Variants in RP1 observed in about 807,000 individuals in gnomAD.
The protein encoded by RP1 is oxygen-regulated protein 1.
RP1 carries 16 observed loss-of-function variants against 14.8 expected under a neutral mutation model. The ratio of observed to expected loss-of-function variants is 1.08; its 90% CI spans 0.73 to 1.65. The LOEUF is 1.65. Ranked by LOEUF, RP1 falls within the 40% of genes most tolerant of loss-of-function variation. The pLI is 0.00. For missense variants in RP1, 2,631 were observed against 2,535.0 expected (o/e 1.04, Z -0.81); for synonymous variants, 876 against 883.6 (o/e 0.99, Z 0.15).
At chr8:54,633,106 G>A (rs1021963661), downstream of RP1, among the ~76,000 whole-genome samples, 1 of 152,154 alleles carries the variant, frequency 6.6e-6, no homozygotes, top group Non-Finnish European at 1.5e-5. Flanking sequence ...TCCTGCTTCT[G>A]CTTCAAAGAA....
At chr8:54,580,355 G>A (rs1318737684) in intron 1 of RP1, among the ~76,000 whole-genome samples, 2 of 135,882 alleles carry the variant, frequency 1.5e-5, no homozygotes, top group African/African-American at 2.7e-5. Flanking sequence ...TCGCCAGGCT[G>A]GAGTGCAGTG....
At chr8:54,733,515 A>G (rs1408562404) in intron 17 of RP1, among the ~76,000 whole-genome samples, 1 of 152,090 alleles carries the variant, frequency 6.6e-6, no homozygotes, top group African/African-American at 2.4e-5. Flanking sequence ...TTTTAAAATT[A>G]GTTCATTATA....
chr8:54,853,953 G>A, intron 26 of RP1, among the ~76,000 whole-genome samples: 2 of 125,068 alleles, frequency 1.6e-5, no homozygotes, highest in Admixed American at 8.2e-5. Context: ...AGGAAGGAAG[G>A]AAAAGAAAAG....
At chr8:54,848,874 G>A (rs574142025) in intron 25 of RP1, among the ~76,000 whole-genome samples, 73 of 152,062 alleles carry the variant, frequency 4.8e-4, no homozygotes, top group African/African-American at 1.7e-3. Flanking sequence ...TCAGCCTCCC[G>A]AGTAGCTGAG....
At chr8:54,755,646 C>A (rs1444142671) in exon 21 of RP1, 41 of 1,535,938 alleles carry the variant, frequency 2.7e-5, no homozygotes, top group Non-Finnish European at 3.3e-5. Context: ...GACGTCTACA[C>A]TGGGCAGCTG....
chr8:54,687,315 ATATTTTT>A (rs1807588682), intron 12 of RP1, among the ~76,000 whole-genome samples: 1 of 151,850 alleles, frequency 6.6e-6, no homozygotes, highest in Non-Finnish European at 1.5e-5. Flanking sequence ...TTTTTAAAAA[ATATTTTT>A]TATTATACTT....
At chr8:54,720,145 A>C in exon 16 of RP1, 1 of 1,534,456 alleles carries the variant, frequency 6.5e-7, no homozygotes, top group Non-Finnish European at 8.7e-7. Context: ...GGAGATGTTG[A>C]CTGTCATTTT....
At chr8:54,708,521 A>T (rs6993867) in intron 15 of RP1, among the ~76,000 whole-genome samples, 68,326 of 151,722 alleles carry the variant, frequency 0.45, 17,155 homozygotes, top group African/African-American at 0.68. Flanking sequence ...GCCCAGCTAA[A>T]TTTTTGTGTT....
intron 8 of RP1, among the ~76,000 whole-genome samples, chr8:54,674,192 T>C (rs998977555): frequency 1.3e-5 from 2 of 151,970 alleles, no homozygotes; most frequent in African/African-American, 4.8e-5. Context: ...ATAGAAGAGA[T>C]TGGGGATTTA....
At chr8:54,841,828 C>A (rs1811797258) in intron 25 of RP1, among the ~76,000 whole-genome samples, 1 of 152,118 alleles carries the variant, frequency 6.6e-6, no homozygotes, top group Non-Finnish European at 1.5e-5. Flanking sequence ...AGGCTCTCTC[C>A]AGGAGAGATG....
intron 6 of RP1, among the ~76,000 whole-genome samples, chr8:54,660,806 T>TA (rs1307605839): frequency 9.9e-5 from 15 of 152,166 alleles, no homozygotes; most frequent in South Asian, 4.1e-4. Flanking sequence ...GAACCCTGGG[T>TA]AAATATGTCA....
intron 27 of RP1, among the ~76,000 whole-genome samples, chr8:54,857,490 A>G (rs1812232938): frequency 6.6e-6 from 1 of 151,024 alleles, no homozygotes; most frequent in South Asian, 2.1e-4. Flanking sequence ...CCATTTATTG[A>G]CTGAATATAT....
At chr8:54,563,007 A>G (rs1804320878) in intron 1 of RP1, among the ~76,000 whole-genome samples, 1 of 152,236 alleles carries the variant, frequency 6.6e-6, no homozygotes, top group Admixed American at 6.5e-5. Context: ...GCCCAGTCCT[A>G]CAGCAGTCAA....
At chr8:54,672,092 T>C (rs1807193581) in intron 7 of RP1, among the ~76,000 whole-genome samples, 1 of 152,178 alleles carries the variant, frequency 6.6e-6, no homozygotes, top group Non-Finnish European at 1.5e-5. Context: ...CTTAATTGCT[T>C]GCCCTTGTTT....
At chr8:54,562,735 A>G (rs767339999) in intron 1 of RP1, among the ~76,000 whole-genome samples, 1 of 152,174 alleles carries the variant, frequency 6.6e-6, no homozygotes, top group Non-Finnish European at 1.5e-5. Context: ...TAAGTTGATA[A>G]TTTTCACATT....
At chr8:54,680,694 C>T (rs1383781898) in intron 12 of RP1, among the ~76,000 whole-genome samples, 1 of 152,088 alleles carries the variant, frequency 6.6e-6, no homozygotes, top group Non-Finnish European at 1.5e-5. Context: ...TGTGGTGGCT[C>T]ATGCCTGTAA....
chr8:54,704,127 A>T (rs1237426599), intron 14 of RP1, among the ~76,000 whole-genome samples: 1 of 152,178 alleles, frequency 6.6e-6, no homozygotes, highest in African/African-American at 2.4e-5. Context: ...CTTTGCATTC[A>T]CAACATGGCT....
Position 54,619,530 on chromosome 8 carries a change from A to G in RP1, c.-12-1425A>G, listed in dbSNP as rs1206194354. 2.0e-5 allele frequency among the ~76,000 whole-genome samples: 3 copies of G among 152,384 alleles called. No homozygotes were observed. In the East Asian group the frequency reaches 5.8e-4, roughly 29 times the overall value. ...CAAATGAAAACAAGGCCAGAACCAG[A>G]TAAATCCTTCCACATGCTGCTCATT... On this transcript the variant is annotated intron_variant, in intron 1 of 3. Coordinates refer to ENST00000220676, the MANE Select transcript of RP1 (RefSeq NM_006269.2).
intron 26 of RP1, among the ~76,000 whole-genome samples, chr8:54,854,582 G>T (rs1812142547): frequency 6.6e-6 from 1 of 152,098 alleles, no homozygotes; most frequent in Admixed American, 6.5e-5. Flanking sequence ...GTTTAATTGT[G>T]GGCTGGGCAC....
Sources: gnomAD v4.1 joint callset for allele counts (sites outside exome capture counted in the v4.1 genomes callset) on GRCh38, gnomAD v4.1.1 for gene constraint, MANE v1.5 for transcripts, NCBI Gene and HGNC (gene_info 2026-07-23, HGNC 2026-07-21) for gene names.